Variants in MAGI2 observed in about 807,000 individuals in gnomAD.
MAGI2 encodes membrane-associated guanylate kinase, WW and PDZ domain-containing protein 2.
Under a neutral mutation model 133.3 loss-of-function variants are expected in MAGI2, and 35 were observed. The ratio of observed to expected loss-of-function variants is 0.26; its 90% CI spans 0.20 to 0.35. The LOEUF (loss-of-function observed/expected upper bound fraction) is 0.35, where lower values mean the gene tolerates loss of function less well. Among genes scored for constraint, MAGI2 ranks in the 10% least tolerant of loss-of-function variants. The probability of loss-of-function intolerance (pLI) is 1.00; values close to 1 mark genes in which losing one functional copy is unlikely to be tolerated. For synonymous variants in MAGI2, 729 were observed against 710.6 expected, an observed-to-expected ratio of 1.03 and a Z score of -0.41; for missense variants, 1,636 against 1,863.4, an observed-to-expected ratio of 0.88 and a Z score of 2.25.
intron 2 of MAGI2, among the ~76,000 whole-genome samples, chr7:78,933,686 T>A (rs1198781400): frequency 6.6e-6 from 1 of 152,038 alleles, no homozygotes; most frequent in South Asian, 2.1e-4. Flanking sequence ...TTATTAACAC[T>A]GCAAAAAAAG....
In MAGI2 at chr7:79,296,210, G is replaced by A. The variant is rs150330847; in HGVS notation, c.301+156810C>T. On this transcript the variant is annotated intron_variant, in intron 1 of 21. Transcript: ENST00000354212. ...CCACCCATTCTGTGATGCTATTGCT[G>A]GTCCTTTAATCTTATCTAAAGTTGT... is the stretch of plus-strand genomic sequence containing the variant. Among the ~76,000 whole-genome samples the A allele has an allele frequency of 1.1e-3, 166 of 152,188 alleles. No individual in the cohort carries two copies. In the East Asian group the frequency reaches 0.025, roughly 23 times the overall value.
chr7:78,868,540 G>A (rs1311750431), intron 2 of MAGI2, among the ~76,000 whole-genome samples: 6 of 152,274 alleles, frequency 3.9e-5, no homozygotes, highest in African/African-American at 1.4e-4. Context: ...AAAAAAGGAT[G>A]AGAGTATCTA....
chr7:78,912,695 A>G (rs1033055501), intron 2 of MAGI2, among the ~76,000 whole-genome samples: 1 of 149,194 alleles, frequency 6.7e-6, no homozygotes, highest in African/African-American at 2.5e-5. Flanking sequence ...CGTGTGAGTT[A>G]ATACTTAATA....
At chr7:79,271,816 CTT>C (rs1270304138) in intron 1 of MAGI2, among the ~76,000 whole-genome samples, 9 of 151,898 alleles carry the variant, frequency 5.9e-5, no homozygotes, top group African/African-American at 1.7e-4. Context: ...AAACTTGACT[CTT>C]TGTTAAAATT....
chr7:79,404,964 G>T (rs1183185847), intron 1 of MAGI2, among the ~76,000 whole-genome samples: 5 of 152,104 alleles, frequency 3.3e-5, no homozygotes, highest in African/African-American at 1.2e-4. Flanking sequence ...TGCAGGCTCA[G>T]GTGCCGACAT....
chr7:78,811,601 C>T (rs1343747399), intron 2 of MAGI2, among the ~76,000 whole-genome samples: 1 of 152,168 alleles, frequency 6.6e-6, no homozygotes, highest in African/African-American at 2.4e-5. Context: ...TCATTTTCCG[C>T]ACATAAGGTG....
intron 7 of MAGI2, among the ~76,000 whole-genome samples, chr7:78,357,438 T>C (rs913281795): frequency 6.6e-6 from 1 of 152,174 alleles, no homozygotes; most frequent in African/African-American, 2.4e-5. Flanking sequence ...TGCCCCAAAA[T>C]AAATTACTAA....
intron 2 of MAGI2, among the ~76,000 whole-genome samples, chr7:78,636,513 T>C (rs971874301): frequency 2.0e-5 from 3 of 152,136 alleles, no homozygotes; most frequent in Non-Finnish European, 4.4e-5. Flanking sequence ...ATAGGCTGCA[T>C]CAAGGCCGGG....
intron 6 of MAGI2, among the ~76,000 whole-genome samples, chr7:78,432,957 C>T (rs12234242): frequency 0.018 from 2,773 of 152,044 alleles, 46 homozygotes; most frequent in South Asian, 0.073. Flanking sequence ...TTTAATATGT[C>T]CCCTAAGAGT....
At chr7:78,705,642 G>A (rs1166597990) in intron 2 of MAGI2, among the ~76,000 whole-genome samples, 4 of 152,072 alleles carry the variant, frequency 2.6e-5, no homozygotes, top group Admixed American at 6.6e-5. Flanking sequence ...TTCTCATTTT[G>A]TTTGCAAACC....
At chr7:78,556,553 A>G (rs1799839477) in intron 3 of MAGI2, among the ~76,000 whole-genome samples, 1 of 152,218 alleles carries the variant, frequency 6.6e-6, no homozygotes, top group South Asian at 2.1e-4. Flanking sequence ...GGAGCACTTG[A>G]GGGAATGAGG....
At chr7:79,019,047 A>C (rs1191038871) in intron 1 of MAGI2, among the ~76,000 whole-genome samples, 1 of 152,232 alleles carries the variant, frequency 6.6e-6, no homozygotes, top group East Asian at 1.9e-4. Context: ...TGGACCTAAT[A>C]GACATCTACA....
At chr7:78,361,157 A>G (rs1386367450) in intron 7 of MAGI2, among the ~76,000 whole-genome samples, 2 of 152,116 alleles carry the variant, frequency 1.3e-5, no homozygotes. Flanking sequence ...GCACTTTGGG[A>G]GGCTGAGGCG....
At chr7:78,107,328 T>G (rs1390944873) in intron 20 of MAGI2, among the ~76,000 whole-genome samples, 1 of 152,184 alleles carries the variant, frequency 6.6e-6, no homozygotes, top group Non-Finnish European at 1.5e-5. Context: ...TTTTGCCTAC[T>G]CTAGGTCTTT....
At chr7:78,667,351 T>G (rs796464867) in intron 2 of MAGI2, among the ~76,000 whole-genome samples, 9 of 108,660 alleles carry the variant, frequency 8.3e-5, no homozygotes, top group South Asian at 5.5e-4. Flanking sequence ...ACCAATTGGG[T>G]TTTTTTTTTT....
chr7:78,517,404 T>G (rs2150574504), intron 4 of MAGI2, among the ~76,000 whole-genome samples: 1 of 152,304 alleles, frequency 6.6e-6, no homozygotes, highest in South Asian at 2.1e-4. Flanking sequence ...TTAACAGTTC[T>G]GGGACATGTG....
chr7:79,359,617 G>GA (rs1236157212), intron 1 of MAGI2, among the ~76,000 whole-genome samples: 1 of 149,986 alleles, frequency 6.7e-6, no homozygotes, highest in African/African-American at 2.5e-5. Context: ...TTATGGGACG[G>GA]AAAAGCCAAT....
chr7:78,813,969 T>C (rs1789328531), intron 2 of MAGI2, among the ~76,000 whole-genome samples: 1 of 152,128 alleles, frequency 6.6e-6, no homozygotes, highest in Non-Finnish European at 1.5e-5. Context: ...CAAGAATGTT[T>C]GTGCTAACCC....
chr7:79,083,081 G>T (rs984882051), intron 1 of MAGI2, among the ~76,000 whole-genome samples: 1 of 151,344 alleles, frequency 6.6e-6, no homozygotes. Flanking sequence ...TTGTGTGTGT[G>T]TATTCCTCAG....
Sources: gnomAD v4.1 joint callset for allele counts (sites outside exome capture counted in the v4.1 genomes callset) on GRCh38, gnomAD v4.1.1 for gene constraint, MANE v1.5 for transcripts, NCBI Gene and HGNC (gene_info 2026-07-23, HGNC 2026-07-21) for gene names.